Variants in SLC30A9 observed in about 807,000 individuals in gnomAD.
The protein encoded by SLC30A9 is proton-coupled zinc antiporter SLC30A9, mitochondrial.
A neutral mutation model predicts 87.5 loss-of-function variants in SLC30A9; 58 were observed. That is an observed-to-expected ratio of 0.66 (90% CI 0.54 to 0.82). The LOEUF (loss-of-function observed/expected upper bound fraction) is 0.82. Ranked by LOEUF, SLC30A9 falls within the 40% of genes least tolerant of loss-of-function variation. The pLI, the probability that SLC30A9 is intolerant of heterozygous loss-of-function variation, is 0.00. For missense variants in SLC30A9, 557 were observed against 679.1 expected (o/e 0.82, Z 2.00); for synonymous variants, 234 against 233.0 (o/e 1.00, Z -0.04).
At chr4:42,038,612 C>T (rs1248641055) in intron 7 of SLC30A9, among the ~76,000 whole-genome samples, 1 of 152,196 alleles carries the variant, frequency 6.6e-6, no homozygotes, top group Non-Finnish European at 1.5e-5. Context: ...GTAGTTCCTT[C>T]TCTTAGCTCT....
intron 6 of SLC30A9, among the ~76,000 whole-genome samples, chr4:42,024,454 A>G (rs1455054904): frequency 2.0e-5 from 3 of 152,230 alleles, no homozygotes; most frequent in South Asian, 4.1e-4. Context: ...ATAGTACCCC[A>G]TTGTATGGAT....
chr4:42,079,111 G>T (rs537589557), intron 17 of SLC30A9, among the ~76,000 whole-genome samples: 1 of 152,004 alleles, frequency 6.6e-6, no homozygotes, highest in Non-Finnish European at 1.5e-5. Context: ...CATAATTTTT[G>T]AATTTTCTAG....
chr4:42,005,158 C>A (rs547239099), intron 2 of SLC30A9, among the ~76,000 whole-genome samples: 1 of 152,036 alleles, frequency 6.6e-6, no homozygotes, highest in African/African-American at 2.4e-5. Context: ...TTCATGATGT[C>A]GTACCTGTGT....
At chr4:42,064,245 G>C (rs1717991016) in intron 11 of SLC30A9, among the ~76,000 whole-genome samples, 1 of 152,184 alleles carries the variant, frequency 6.6e-6, no homozygotes. Context: ...CTAGCATGTA[G>C]TCTAGTGGGT....
At chr4:42,021,562 A>G (rs1715949537) in intron 4 of SLC30A9, among the ~76,000 whole-genome samples, 2 of 152,234 alleles carry the variant, frequency 1.3e-5, no homozygotes. Context: ...TAAGCCTTTC[A>G]GAATTTAAGA....
At chr4:42,012,199 C>A (rs1331759895) in intron 2 of SLC30A9, among the ~76,000 whole-genome samples, 1 of 152,136 alleles carries the variant, frequency 6.6e-6, no homozygotes, top group Non-Finnish European at 1.5e-5. Context: ...AAACACGAAA[C>A]AACCCAACTT....
chr4:42,061,660 G>A (rs1717856649), intron 10 of SLC30A9, among the ~76,000 whole-genome samples: 1 of 152,104 alleles, frequency 6.6e-6, no homozygotes, highest in African/African-American at 2.4e-5. Flanking sequence ...CACTTTGGGA[G>A]GCTGAGGCAG....
chr4:42,050,280 T>C (rs1210015291), intron 9 of SLC30A9, among the ~76,000 whole-genome samples: 2 of 152,286 alleles, frequency 1.3e-5, no homozygotes, highest in South Asian at 2.1e-4. Context: ...TACTAAGTAT[T>C]TACCTTGAAC....
chr4:42,051,449 G>A (rs188612598), intron 9 of SLC30A9, among the ~76,000 whole-genome samples: 1 of 152,252 alleles, frequency 6.6e-6, no homozygotes, highest in Admixed American at 6.5e-5. Context: ...GTCGGAAGCA[G>A]ACTAAACAGA....
intron 6 of SLC30A9, among the ~76,000 whole-genome samples, chr4:42,033,789 A>G (rs4416511): frequency 0.19 from 28,416 of 152,080 alleles, 2,982 homozygotes; most frequent in African/African-American, 0.3. Flanking sequence ...GTTAGCCAGG[A>G]TGGTCTCGAT....
intron 1 of SLC30A9, among the ~76,000 whole-genome samples, chr4:41,991,817 C>T (rs983135839): frequency 6.6e-6 from 1 of 152,102 alleles, no homozygotes; most frequent in Non-Finnish European, 1.5e-5. Flanking sequence ...AAGTTGCAGT[C>T]ATTCGAGATT....
intron 16 of SLC30A9, among the ~76,000 whole-genome samples, chr4:42,076,352 A>ATCTCAT (rs1211988430): frequency 9.9e-5 from 15 of 152,182 alleles, no homozygotes; most frequent in Non-Finnish European, 2.1e-4. Context: ...CTCTTTCTAT[A>ATCTCAT]TCTCATTCTT....
intron 2 of SLC30A9, among the ~76,000 whole-genome samples, chr4:42,003,179 A>T (rs1715059270): frequency 6.6e-6 from 1 of 152,144 alleles, no homozygotes; most frequent in Non-Finnish European, 1.5e-5. Flanking sequence ...AATGTATTTC[A>T]CAAAATGTGG....
At chr4:41,991,525 A>G (rs1322731468) in intron 1 of SLC30A9, among the ~76,000 whole-genome samples, 1 of 152,240 alleles carries the variant, frequency 6.6e-6, no homozygotes, top group Non-Finnish European at 1.5e-5. Flanking sequence ...ACATTGCTTG[A>G]CACTGAGAAC....
At chr4:42,067,583 A>T (rs543294980) in intron 14 of SLC30A9, among the ~76,000 whole-genome samples, 1 of 152,244 alleles carries the variant, frequency 6.6e-6, no homozygotes, top group Non-Finnish European at 1.5e-5. Flanking sequence ...GTTCCAAATA[A>T]ATATACATAG....
chr4:42,004,032 G>T (rs1715093378), intron 2 of SLC30A9, among the ~76,000 whole-genome samples: 1 of 152,100 alleles, frequency 6.6e-6, no homozygotes, highest in South Asian at 2.1e-4. Context: ...CAGAATCTTT[G>T]TTAGCCACCT....
chr4:42,025,192 C>A (rs926568248), intron 6 of SLC30A9, among the ~76,000 whole-genome samples: 8 of 152,164 alleles, frequency 5.3e-5, no homozygotes, highest in African/African-American at 1.9e-4. Context: ...GACATTATAT[C>A]ATTTTATTTA....
intron 1 of SLC30A9, among the ~76,000 whole-genome samples, chr4:41,994,622 C>T (rs1714611514): frequency 6.6e-6 from 1 of 151,536 alleles, no homozygotes; most frequent in South Asian, 2.1e-4. Context: ...TAACTTTTAT[C>T]CCCAGCAGAG....
chr4:42,063,704 T>C (rs1162306279), intron 11 of SLC30A9, among the ~76,000 whole-genome samples: 1 of 152,208 alleles, frequency 6.6e-6, no homozygotes, highest in Non-Finnish European at 1.5e-5. Flanking sequence ...ACTACAGTGT[T>C]ATTTTGCATT....
Sources: gnomAD v4.1 joint callset for allele counts (sites outside exome capture counted in the v4.1 genomes callset) on GRCh38, gnomAD v4.1.1 for gene constraint, MANE v1.5 for transcripts, NCBI Gene and HGNC (gene_info 2026-07-23, HGNC 2026-07-21) for gene names.